NOL10: variants seen among roughly 807,000 people sequenced by gnomAD.
The protein encoded by NOL10 is H_NH0074G24.1.
NOL10 carries 58 observed loss-of-function variants against 103.5 expected under a neutral mutation model. That is an observed-to-expected ratio of 0.56 (90% confidence interval 0.45 to 0.70). NOL10 has a LOEUF of 0.70. Among genes scored for constraint, NOL10 ranks in the 30% least tolerant of loss-of-function variants. The pLI, the probability that NOL10 is intolerant of heterozygous loss-of-function variation, is 0.00. For synonymous variants in NOL10, 287 were observed against 282.5 expected, an observed-to-expected ratio of 1.02 and a Z score of -0.16; for missense variants, 763 against 807.3, an observed-to-expected ratio of 0.95 and a Z score of 0.67.
At chr2:10,613,824 G>A (rs1459312577) in intron 13 of NOL10, among the ~76,000 whole-genome samples, 1 of 152,006 alleles carries the variant, frequency 6.6e-6, no homozygotes, top group Non-Finnish European at 1.5e-5. Context: ...TTATAGAACT[G>A]TTTTCAGGAC....
At chr2:10,631,619 G>T (rs144440455) in intron 13 of NOL10, among the ~76,000 whole-genome samples, 136 of 152,196 alleles carry the variant, frequency 8.9e-4, no homozygotes, top group African/African-American at 3.1e-3. Flanking sequence ...ACCATTCTCA[G>T]ATGTGGCTGA....
intron 13 of NOL10, among the ~76,000 whole-genome samples, chr2:10,619,240 G>T (rs1676997217): frequency 6.6e-6 from 1 of 152,158 alleles, no homozygotes; most frequent in Non-Finnish European, 1.5e-5. Context: ...TTGATCACGG[G>T]CTTAAGCTAT....
At chr2:10,633,639 G>C (rs1288206609) in intron 13 of NOL10, among the ~76,000 whole-genome samples, 2 of 151,846 alleles carry the variant, frequency 1.3e-5, no homozygotes, top group African/African-American at 4.8e-5. Context: ...TCTATTCTCT[G>C]TTGAGTGAGA....
chr2:10,604,881 G>T (rs772986017), intron 14 of NOL10: 1 of 152,156 alleles, frequency 6.6e-6, no homozygotes, highest in Non-Finnish European at 1.5e-5. Context: ...CTTTCCTTCC[G>T]TTTGGAGATT....
At chr2:10,606,360 C>T (rs1313148487) in intron 14 of NOL10, among the ~76,000 whole-genome samples, 1 of 151,770 alleles carries the variant, frequency 6.6e-6, no homozygotes, top group African/African-American at 2.4e-5. Flanking sequence ...CGTGGTGGCT[C>T]GCACCTGTAA....
At chr2:10,641,426 A>G (rs2148274598) in intron 13 of NOL10, among the ~76,000 whole-genome samples, 1 of 152,286 alleles carries the variant, frequency 6.6e-6, no homozygotes, top group South Asian at 2.1e-4. Context: ...ACATCCAAAT[A>G]TTAATGGTAG....
intron 7 of NOL10, 78 bp downstream of exon 7, chr2:10,668,580 G>A: frequency 1.5e-6 from 1 of 668,992 alleles, no homozygotes; most frequent in Non-Finnish European, 2.5e-6. Flanking sequence ...AATAGTTTAT[G>A]TTACTTGTTA....
intron 12 of NOL10, among the ~76,000 whole-genome samples, chr2:10,646,990 G>T (rs1337696589): frequency 6.6e-6 from 1 of 152,170 alleles, no homozygotes; most frequent in Non-Finnish European, 1.5e-5. Context: ...GAATTAATAT[G>T]GTTTCACCCA....
At position 10,658,572 on chromosome 2, in the gene NOL10, TA is replaced by T. The variant is rs56898918; in HGVS notation, c.756+599del. Reference sequence around the variant, plus strand: ...TGTGCTATAGTTAATGATGCTATATTAAAAAAAAAAAAGTTCCTTGAACACA... The same window carrying T: ...TGTGCTATAGTTAATGATGCTATATTAAAAAAAAAAAGTTCCTTGAACACA... On this transcript the variant is annotated intron_variant, in intron 10 of 20. Coordinates refer to ENST00000381685, the MANE Select transcript of NOL10 (RefSeq NM_024894.4). Among the ~76,000 whole-genome samples the T allele has an allele frequency of 6.4e-3, 931 of 144,848 alleles. 12 individuals are homozygous for T. Among genetic ancestry groups the T allele is most frequent in the African/African-American group, 0.018 (710 of 39,830 alleles).
chr2:10,673,635 T>C lies in NOL10; in HGVS notation c.290-78A>G. ...CAACGCAAACCTGATGCAAAGATTC[T>C]AATTCAACACAGAAATTATATACAT... On this transcript the variant is annotated intron_variant, in intron 4 of 20. Coordinates refer to ENST00000381685, the MANE Select transcript of NOL10 (RefSeq NM_024894.4). 1.2e-5 allele frequency: 11 copies of C among 947,548 alleles called. No individual in the cohort carries two copies. In the South Asian group the frequency reaches 1.8e-4, roughly 15 times the overall value. The allele number at this position is 947,548 out of a possible 1,614,324, so 58.7% of individuals were successfully genotyped here.
chr2:10,688,145 G>A (rs1682345056), intron 1 of NOL10, among the ~76,000 whole-genome samples: 1 of 152,094 alleles, frequency 6.6e-6, no homozygotes, highest in African/African-American at 2.4e-5. Flanking sequence ...TACAAAGTAT[G>A]TCCTGAATCT....
chr2:10,573,960 G>A (rs897385471), intron 20 of NOL10, among the ~76,000 whole-genome samples: 11 of 152,086 alleles, frequency 7.2e-5, no homozygotes, highest in African/African-American at 2.7e-4. Flanking sequence ...CAACCGGAAG[G>A]ATTTAAAAAA....
chr2:10,608,217 G>T (rs6432115), intron 13 of NOL10, among the ~76,000 whole-genome samples: 90,007 of 152,004 alleles, frequency 0.59, 27,653 homozygotes, highest in African/African-American at 0.74. Context: ...GTATAAATAA[G>T]TCTTCAAAAC....
rs1558269973 is a variant in NOL10, at chr2:10,587,072, TA to T, written c.1844+1970del. On this transcript the variant is annotated intron_variant, in intron 19 of 20. Coordinates refer to ENST00000381685, the MANE Select transcript of NOL10 (RefSeq NM_024894.4). ...ATATATATACATATATATATACATA[TA>T]TATACATATATATACATATATATAC... 2.3e-4 allele frequency among the ~76,000 whole-genome samples: 13 copies of T among 57,494 alleles called. 1 individual carries two copies. The highest frequency in any genetic ancestry group is 3.7e-4 in the Non-Finnish European group (9 of 24,150). The allele number at this position is 57,494 out of a possible 152,430, so 37.7% of individuals were successfully genotyped here. A position where few individuals can be genotyped will look rare whatever the true frequency, so the allele number is the denominator to read the frequency against.
intron 19 of NOL10, among the ~76,000 whole-genome samples, chr2:10,586,071 G>T (rs1245372751): frequency 6.6e-6 from 1 of 152,200 alleles, no homozygotes; most frequent in African/African-American, 2.4e-5. Flanking sequence ...TAGGCAAATC[G>T]ATAGAGACAG....
Position 10,593,633 on chromosome 2 carries a change from TG to T in NOL10, c.1423-3883del, listed in dbSNP as rs1361542343. Among the ~76,000 whole-genome samples, 3 of 152,304 alleles carry T rather than the reference TG, an allele frequency of 2.0e-5. No homozygotes were observed. In the East Asian group the frequency reaches 5.8e-4, roughly 29 times the overall value. ...AAAGGAAATAGGGGTAATAAAAATT[TG>T]GAAGCCAGAAAGAAAGCCTATTTAA... On this transcript the variant is annotated intron_variant, in intron 17 of 20. Transcript: ENST00000381685.
Position 10,667,398 on chromosome 2 carries a change from T to G in NOL10, c.531-120A>C. ...GAGTAGAAAGAAGACACACAGATTC[T>G]CTCTTACTAATCTGCAAATGGAAAA... On this transcript the variant is annotated intron_variant, in intron 7 of 20. Coordinates refer to ENST00000381685, the MANE Select transcript of NOL10 (RefSeq NM_024894.4). 3 of 737,050 alleles carry G rather than the reference T, an allele frequency of 4.1e-6. No individual in the cohort carries two copies. In the South Asian group the frequency reaches 4.8e-5, roughly 12 times the overall value. 45.7% of individuals were successfully genotyped at this position (737,050 alleles called of 1,614,324 possible). A position where few individuals can be genotyped will look rare whatever the true frequency, so the allele number is the denominator to read the frequency against.
intron 12 of NOL10, among the ~76,000 whole-genome samples, chr2:10,650,329 A>G (rs1439266658): frequency 5.9e-5 from 9 of 151,682 alleles, no homozygotes; most frequent in Non-Finnish European, 1.3e-4. Context: ...GCTTCCTGCT[A>G]ATTTTTTTTA....
At chr2:10,655,965 G>A (rs1466141815) in intron 11 of NOL10, among the ~76,000 whole-genome samples, 2 of 152,196 alleles carry the variant, frequency 1.3e-5, no homozygotes, top group Non-Finnish European at 2.9e-5. Flanking sequence ...AGGAAAAGAG[G>A]GGAAACCAGG....
Sources: allele counts gnomAD v4.1 joint callset (sites outside exome capture counted in the v4.1 genomes callset), GRCh38; gene constraint gnomAD v4.1.1; transcripts MANE v1.5; gene names NCBI Gene and HGNC (gene_info 2026-07-23, HGNC 2026-07-21).